The following MRTFA variants were observed in gnomAD, a reference collection of about 807,000 sequenced individuals.
MRTFA encodes myocardin-related transcription factor A.
MRTFA carries 20 observed loss-of-function variants against 83.5 expected under a neutral mutation model. That is an observed-to-expected ratio of 0.24 (90% confidence interval 0.17 to 0.35). MRTFA has a LOEUF of 0.35. Ranked by LOEUF, MRTFA falls within the 10% of genes least tolerant of loss-of-function variation. The pLI, the probability that MRTFA is intolerant of heterozygous loss-of-function variation, is 1.00. For missense variants in MRTFA, 1,200 were observed against 1,224.7 expected (o/e 0.98, Z 0.30); for synonymous variants, 659 against 541.2 (o/e 1.22, Z -3.02).
intron 3 of MRTFA, among the ~76,000 whole-genome samples, chr22:40,500,399 T>C (rs1369810147): frequency 6.7e-6 from 1 of 148,828 alleles, no homozygotes; most frequent in Non-Finnish European, 1.5e-5. Context: ...TTATTTTTTT[T>C]AATTTATTTT....
At chr22:40,517,824 AC>A (rs1294803726) in intron 3 of MRTFA, among the ~76,000 whole-genome samples, 1 of 152,106 alleles carries the variant, frequency 6.6e-6, no homozygotes, top group African/African-American at 2.4e-5. Context: ...GCCAGGGAAA[AC>A]AATCATGTGT....
chr22:40,538,793 T>G (rs2055234041), intron 3 of MRTFA, among the ~76,000 whole-genome samples: 1 of 152,054 alleles, frequency 6.6e-6, no homozygotes, highest in Non-Finnish European at 1.5e-5. Flanking sequence ...AAGTAAACTT[T>G]AACAAGGGCT....
At chr22:40,472,509 GTTA>G (rs1349089817) in intron 3 of MRTFA, among the ~76,000 whole-genome samples, 2 of 151,936 alleles carry the variant, frequency 1.3e-5, no homozygotes, top group East Asian at 1.9e-4. Flanking sequence ...CAATAAACAT[GTTA>G]TTATTTCCAT....
At chr22:40,606,101 A>C (rs2056316143) in intron 1 of MRTFA, among the ~76,000 whole-genome samples, 1 of 152,158 alleles carries the variant, frequency 6.6e-6, no homozygotes, top group Non-Finnish European at 1.5e-5. Context: ...TATGAAAGCA[A>C]TTCTAATACT....
At chr22:40,555,938 C>G (rs2055516810) in intron 2 of MRTFA, among the ~76,000 whole-genome samples, 1 of 151,884 alleles carries the variant, frequency 6.6e-6, no homozygotes, top group Admixed American at 6.6e-5. Flanking sequence ...CATGCCCAGC[C>G]CTAAGAATAA....
intron 2 of MRTFA, among the ~76,000 whole-genome samples, chr22:40,594,397 A>AC (rs1205582516): frequency 1.3e-5 from 2 of 152,194 alleles, no homozygotes; most frequent in Non-Finnish European, 2.9e-5. Context: ...GTGGGTGGGT[A>AC]CATGTGTAAA....
chr22:40,449,594 C>T (rs17001917), intron 4 of MRTFA, among the ~76,000 whole-genome samples: 3,050 of 152,232 alleles, frequency 0.02, 92 homozygotes, highest in African/African-American at 0.068. Context: ...AACATTGCTT[C>T]CCTAATCTAA....
chr22:40,491,938 T>C (rs2054278002), intron 3 of MRTFA, among the ~76,000 whole-genome samples: 1 of 152,200 alleles, frequency 6.6e-6, no homozygotes, highest in African/African-American at 2.4e-5. Flanking sequence ...GCAGTTAAGT[T>C]TGAAAGGAAA....
At chr22:40,540,732 G>A (rs1454792434) in intron 3 of MRTFA, among the ~76,000 whole-genome samples, 1 of 143,736 alleles carries the variant, frequency 7.0e-6, no homozygotes, top group Non-Finnish European at 1.5e-5. Flanking sequence ...AGCTGAGATG[G>A]TGCCACTACA....
chr22:40,519,680 A>G (rs1325866491), intron 3 of MRTFA: 2 of 1,134,818 alleles, frequency 1.8e-6, no homozygotes, highest in South Asian at 1.6e-5. Context: ...AAAAAATGTT[A>G]TAACAATCAC....
At chr22:40,445,783 C>T (rs945560609) in intron 4 of MRTFA, among the ~76,000 whole-genome samples, 3 of 152,158 alleles carry the variant, frequency 2.0e-5, no homozygotes, top group Non-Finnish European at 4.4e-5. Context: ...CTCCTCACCT[C>T]GTGATCCACC....
At chr22:40,599,376 TA>T (rs1311168391) in intron 1 of MRTFA, among the ~76,000 whole-genome samples, 1 of 152,178 alleles carries the variant, frequency 6.6e-6, no homozygotes, top group Non-Finnish European at 1.5e-5. Context: ...CATACGCACA[TA>T]GACTCTCCAG....
chr22:40,619,610 C>A (rs1315620370), intron 1 of MRTFA, among the ~76,000 whole-genome samples: 1 of 152,010 alleles, frequency 6.6e-6, no homozygotes, highest in Non-Finnish European at 1.5e-5. Flanking sequence ...AAGAAATTGG[C>A]CGGGTGCGGT....
At chr22:40,490,614 A>C (rs944526536) in intron 3 of MRTFA, among the ~76,000 whole-genome samples, 1 of 151,284 alleles carries the variant, frequency 6.6e-6, no homozygotes, top group African/African-American at 2.4e-5. Flanking sequence ...AAAAAAAAAG[A>C]AAAGAAAAGA....
At chr22:40,589,556 C>G (rs1335157496) in intron 2 of MRTFA, among the ~76,000 whole-genome samples, 1 of 152,102 alleles carries the variant, frequency 6.6e-6, no homozygotes, top group African/African-American at 2.4e-5. Flanking sequence ...ATTTTAAAAG[C>G]AGGAAAGAAC....
At chr22:40,445,016 G>A (rs191602771) in intron 4 of MRTFA, among the ~76,000 whole-genome samples, 9 of 152,274 alleles carry the variant, frequency 5.9e-5, no homozygotes, top group African/African-American at 9.6e-5. Context: ...GCAGTGAGCC[G>A]TGATCACACC....
intron 6 of MRTFA, among the ~76,000 whole-genome samples, chr22:40,430,031 C>T (rs1161073829): frequency 6.6e-6 from 1 of 152,150 alleles, no homozygotes; most frequent in South Asian, 2.1e-4. Flanking sequence ...GGTGGAGCTA[C>T]AGAATGGAAG....
intron 3 of MRTFA, among the ~76,000 whole-genome samples, chr22:40,513,948 T>A (rs1353925589): frequency 6.6e-6 from 1 of 151,736 alleles, no homozygotes; most frequent in Non-Finnish European, 1.5e-5. Flanking sequence ...AGTAATAATT[T>A]TTTTTTTTTA....
rs1205571894 is a variant in MRTFA, at chr22:40,568,322, C to T, written c.-21-15955G>A. Among the ~76,000 whole-genome samples the T allele has an allele frequency of 9.2e-5, 14 of 152,330 alleles. 1 individual carries two copies. The highest frequency in any genetic ancestry group is 9.1e-4 in the Admixed American group (14 of 15,308). ...ATCAGTTACCACACAAAAGCAATGGCTCTTCAAGTTACCTTCATGGAATAC... is the reference window on the plus strand; with the variant it reads ...ATCAGTTACCACACAAAAGCAATGGTTCTTCAAGTTACCTTCATGGAATAC... On this transcript the variant is annotated intron_variant, in intron 2 of 14. Transcript: ENST00000355630.
Sources: allele counts gnomAD v4.1 joint callset (sites outside exome capture counted in the v4.1 genomes callset), GRCh38; gene constraint gnomAD v4.1.1; transcripts MANE v1.5; gene names NCBI Gene and HGNC (gene_info 2026-07-23, HGNC 2026-07-21).